Variants in SNCAIP observed in about 807,000 individuals in gnomAD.
SNCAIP encodes the protein synphilin-1.
Under a neutral mutation model 86.7 loss-of-function variants are expected in SNCAIP, and 43 were observed. That is an observed-to-expected ratio of 0.50 (90% CI 0.39 to 0.64). The LOEUF (loss-of-function observed/expected upper bound fraction) is 0.64, where lower values mean the gene tolerates loss of function less well. SNCAIP is among the 30% of genes least tolerant of loss of function. SNCAIP has a pLI of 0.00. For missense variants in SNCAIP, 981 were observed against 1,103.1 expected (o/e 0.89, Z 1.57); for synonymous variants, 417 against 427.2 (o/e 0.98, Z 0.29).
chr5:122,391,531 A>G (rs190395174), intron 2 of SNCAIP, among the ~76,000 whole-genome samples: 2 of 152,346 alleles, frequency 1.3e-5, no homozygotes, highest in East Asian at 1.9e-4. Flanking sequence ...GTGGCTGGCT[A>G]TTCCACAGCC....
At chr5:122,373,949 G>A (rs983080589) in intron 1 of SNCAIP, among the ~76,000 whole-genome samples, 4 of 152,122 alleles carry the variant, frequency 2.6e-5, no homozygotes, top group African/African-American at 7.2e-5. Flanking sequence ...GTTTAAATTC[G>A]TACCAGAAAA....
At chr5:122,425,634 T>G (rs1561740953) in intron 5 of SNCAIP, 103 bp downstream of exon 5, 9 of 973,520 alleles carry the variant, frequency 9.2e-6, no homozygotes, top group Non-Finnish European at 1.5e-5. Context: ...GAGAGTGATT[T>G]GTCAAGCAAA....
At chr5:122,380,139 G>A (rs966219870) in intron 1 of SNCAIP, among the ~76,000 whole-genome samples, 14 of 152,100 alleles carry the variant, frequency 9.2e-5, no homozygotes, top group African/African-American at 3.1e-4. Context: ...TTGTACCTCT[G>A]GTAGAATTCG....
At chr5:122,443,031 G>A (rs1781413480) in intron 7 of SNCAIP, among the ~76,000 whole-genome samples, 1 of 152,178 alleles carries the variant, frequency 6.6e-6, no homozygotes, top group East Asian at 1.9e-4. Context: ...AGTAATAACA[G>A]TGTGTGTTTA....
intron 1 of SNCAIP, among the ~76,000 whole-genome samples, chr5:122,330,797 C>A (rs908588649): frequency 2.8e-4 from 42 of 152,008 alleles, no homozygotes; most frequent in Admixed American, 2.8e-3. Flanking sequence ...GTTTATTGTA[C>A]ACTTTATTTC....
chr5:122,368,255 C>T (rs1292098596), intron 1 of SNCAIP, among the ~76,000 whole-genome samples: 1 of 152,050 alleles, frequency 6.6e-6, no homozygotes, highest in Non-Finnish European at 1.5e-5. Context: ...TCGCTGAGTA[C>T]CATAGAGTCA....
chr5:122,329,398 C>T lies in SNCAIP; in HGVS notation c.-47+17114C>T, dbSNP rs1362190922. On this transcript the variant is annotated intron_variant, in intron 1 of 10. Coordinates refer to ENST00000261368, the MANE Select transcript of SNCAIP (RefSeq NM_005460.4). ...CCCTCTCTTGAACCTCCCGGTGTCTCCCAATATCGAAACACTCAAAAAGCC... is the reference window on the plus strand; with the variant it reads ...CCCTCTCTTGAACCTCCCGGTGTCTTCCAATATCGAAACACTCAAAAAGCC... 2.6e-5 allele frequency among the ~76,000 whole-genome samples: 4 copies of T among 152,112 alleles called. No homozygotes were observed. The East Asian group carries it at 7.7e-4, about 29-fold the overall frequency.
chr5:122,409,657 A>G (rs547402670), intron 3 of SNCAIP, among the ~76,000 whole-genome samples: 1 of 152,308 alleles, frequency 6.6e-6, no homozygotes, highest in South Asian at 2.1e-4. Flanking sequence ...AGCATTGCAA[A>G]TTCGCTATAT....
At chr5:122,401,027 G>T (rs919662007) in intron 2 of SNCAIP, 29 of 1,550,130 alleles carry the variant, frequency 1.9e-5, no homozygotes, top group Non-Finnish European at 2.4e-5. Flanking sequence ...AGCTTGGATT[G>T]GAGGACACAG....
Position 122,359,403 on chromosome 5 carries a change from G to A in SNCAIP, c.-46-31686G>A, listed in dbSNP as rs971432523. ...TTTTGAGACAGAGTCTTGCTCTGTC[G>A]CTCAGGCTGGAGTTCAGTGGTGCGA... On this transcript the variant is annotated intron_variant, in intron 1 of 10. Transcript: ENST00000261368. Among the ~76,000 whole-genome samples the A allele has an allele frequency of 9.4e-5, 11 of 116,848 alleles. No homozygotes were observed. In the South Asian group the frequency reaches 2.2e-3, roughly 24 times the overall value. The allele number at this position is 116,848 out of a possible 152,430, so 76.7% of individuals were successfully genotyped here. A position where few individuals can be genotyped will look rare whatever the true frequency, so the allele number is the denominator to read the frequency against.
chr5:122,361,831 CAT>C (rs1246013521), intron 1 of SNCAIP, among the ~76,000 whole-genome samples: 2 of 152,246 alleles, frequency 1.3e-5, no homozygotes, highest in African/African-American at 4.8e-5. Context: ...ACAAACTAGA[CAT>C]AGAAAAAAGC....
intron 2 of SNCAIP, among the ~76,000 whole-genome samples, chr5:122,394,057 GA>G (rs1356534604): frequency 6.6e-6 from 1 of 151,540 alleles, no homozygotes; most frequent in Non-Finnish European, 1.5e-5. Context: ...GGCATAAAAA[GA>G]AATGTAGTTT....
intron 1 of SNCAIP, among the ~76,000 whole-genome samples, chr5:122,326,937 A>G (rs543580075): frequency 8.8e-6 from 1 of 113,404 alleles, no homozygotes; most frequent in South Asian, 3.0e-4. Context: ...AACTTTCTCA[A>G]CTATGTATGT....
At chr5:122,321,262 C>A (rs1458162466) in intron 1 of SNCAIP, 2 of 152,116 alleles carry the variant, frequency 1.3e-5, no homozygotes, top group African/African-American at 4.8e-5. Context: ...TAACCAAGTA[C>A]CTTACATTCT....
chr5:122,330,921 GT>G (rs1267347989), intron 1 of SNCAIP, among the ~76,000 whole-genome samples: 1 of 151,772 alleles, frequency 6.6e-6, no homozygotes, highest in African/African-American at 2.4e-5. Flanking sequence ...ATTGGTGATG[GT>G]TGTGGAGGGG....
intron 10 of SNCAIP, among the ~76,000 whole-genome samples, chr5:122,462,104 G>A (rs186914912): frequency 1.9e-3 from 286 of 152,198 alleles, no homozygotes; most frequent in Admixed American, 4.1e-3. Flanking sequence ...TATCTGACAC[G>A]TTGGAGGACT....
chr5:122,381,176 A>G (rs1001599109), intron 1 of SNCAIP, among the ~76,000 whole-genome samples: 4 of 134,150 alleles, frequency 3.0e-5, no homozygotes, highest in Non-Finnish European at 6.3e-5. Flanking sequence ...GTGGGAGTCT[A>G]AGTCTCTTTG....
rs1462914438 is a variant in SNCAIP at position 122,423,044 on chromosome 5, G to A, written c.307G>A (p.Val103Ile). ...ESDDQKNQKV[V>I]EYQKGGESDL... ...TGATGACCAAAAGAACCAGAAAGTGGTTGAGTACCAGAAAGGGGGTGAGTC... is the reference window on the plus strand; with the variant it reads ...TGATGACCAAAAGAACCAGAAAGTGATTGAGTACCAGAAAGGGGGTGAGTC... The change falls in exon 4 of 11, where the codon GTT (valine) becomes ATT (isoleucine). Residue 103 changes from valine (V) to isoleucine (I), a missense_variant. Physicochemically the swap from Val to Ile is conservative, Grantham distance 29 (BLOSUM62 3). Coordinates refer to ENST00000261368, the MANE Select transcript of SNCAIP (RefSeq NM_005460.4). 3 of 1,614,012 alleles carry A rather than the reference G, an allele frequency of 1.9e-6. No individual in the cohort carries two copies. Among genetic ancestry groups the A allele is most frequent in the Non-Finnish European group, 2.5e-6 (3 of 1,180,036 alleles).
At chr5:122,380,281 G>T (rs1027530235) in intron 1 of SNCAIP, among the ~76,000 whole-genome samples, 2 of 152,166 alleles carry the variant, frequency 1.3e-5, no homozygotes, top group African/African-American at 4.8e-5. Flanking sequence ...GAGTGTATGT[G>T]TCGAGGAATT....
Sources: gnomAD v4.1 joint callset for allele counts (sites outside exome capture counted in the v4.1 genomes callset) on GRCh38, gnomAD v4.1.1 for gene constraint, MANE v1.5 for transcripts, NCBI Gene and HGNC (gene_info 2026-07-23, HGNC 2026-07-21) for gene names.